DCPS: variants seen among roughly 807,000 people sequenced by gnomAD.
The protein encoded by DCPS is m7GpppX diphosphatase.
A neutral mutation model predicts 34.7 loss-of-function variants in DCPS; 27 were observed. The ratio of observed to expected loss-of-function variants is 0.78; its 90% CI spans 0.57 to 1.07. The LOEUF is 1.07. DCPS is among the 50% of genes least tolerant of loss of function. The probability of loss-of-function intolerance (pLI) is 0.00; values close to 1 mark genes in which losing one functional copy is unlikely to be tolerated. For missense variants in DCPS, 464 were observed against 436.9 expected (o/e 1.06, Z -0.55); for synonymous variants, 185 against 185.7 (o/e 1.00, Z 0.03).
chr11:126,304,508 AC>A (rs1228042458), intron 1 of DCPS, among the ~76,000 whole-genome samples: 1 of 152,166 alleles, frequency 6.6e-6, no homozygotes, highest in Non-Finnish European at 1.5e-5. Flanking sequence ...TAATGTCTCC[AC>A]TAGAAATATC....
intron 1 of DCPS, 92 bp downstream of exon 1, chr11:126,304,373 A>T: frequency 6.9e-7 from 1 of 1,440,824 alleles, no homozygotes; most frequent in Non-Finnish European, 9.6e-7. Context: ...TCTCGGCTGG[A>T]AAATACCAAT....
chr11:126,326,049 C>T (rs950595957), intron 2 of DCPS, among the ~76,000 whole-genome samples: 1 of 152,130 alleles, frequency 6.6e-6, no homozygotes, highest in Non-Finnish European at 1.5e-5. Flanking sequence ...ACCCAGGAGG[C>T]GGAGGTTGCA....
At chr11:126,326,780 A>G (rs1319540578) in intron 2 of DCPS, among the ~76,000 whole-genome samples, 1 of 152,138 alleles carries the variant, frequency 6.6e-6, no homozygotes. Flanking sequence ...AAAATTAGCC[A>G]GGCGTGGTGG....
chr11:126,335,499 C>A lies in DCPS; in HGVS notation c.523-2787C>A, dbSNP rs565133824. ...GGCTTCCCGTGGATGCAGCTCCCTG[C>A]CACTGTCCCAGAGGCCTCTCCCAGG... On this transcript the variant is annotated intron_variant, in intron 3 of 5. Coordinates refer to ENST00000263579, the MANE Select transcript of DCPS (RefSeq NM_014026.6). The surrounding 1 kb of genome is among the most constrained non-coding windows in gnomAD (Gnocchi z 4.8). Among the ~76,000 whole-genome samples the A allele has an allele frequency of 3.9e-4, 60 of 152,300 alleles. No homozygotes were observed. Among genetic ancestry groups the A allele is most frequent in the African/African-American group, 1.3e-3 (54 of 41,570 alleles).
At chr11:126,305,813 C>T (rs1241786370) in intron 1 of DCPS, among the ~76,000 whole-genome samples, 1 of 152,058 alleles carries the variant, frequency 6.6e-6, no homozygotes, top group Non-Finnish European at 1.5e-5. Flanking sequence ...TCTCTCAGCC[C>T]AGCTGTCTTC....
chr11:126,305,822 T>C (rs1318742142), intron 1 of DCPS, among the ~76,000 whole-genome samples: 1 of 152,178 alleles, frequency 6.6e-6, no homozygotes, highest in Admixed American at 6.6e-5. Context: ...CCAGCTGTCT[T>C]CAGTGTGCAG....
intron 1 of DCPS, among the ~76,000 whole-genome samples, chr11:126,305,248 G>A (rs1308253771): frequency 6.6e-6 from 1 of 151,916 alleles, no homozygotes; most frequent in Non-Finnish European, 1.5e-5. Context: ...CCAATAGCTG[G>A]GATTACAGGC....
rs1455410255 is a variant in DCPS, at chr11:126,327,588, C to T, written c.377-3817C>T. Reference sequence around the variant, plus strand: ...AGCATTGACTCCTGACCAAACTCCTCCTGAAGTTCAGCTGCAGGTCAACAT... The same window carrying T: ...AGCATTGACTCCTGACCAAACTCCTTCTGAAGTTCAGCTGCAGGTCAACAT... On this transcript the variant is annotated intron_variant, in intron 2 of 5. Transcript: ENST00000263579. This position sits in a 1 kb window ranked among gnomAD's most constrained non-coding sequence, Gnocchi z 4.1. Among the ~76,000 whole-genome samples the T allele has an allele frequency of 6.6e-6, 1 of 152,204 alleles. No homozygotes were observed. Among genetic ancestry groups the T allele is most frequent in the African/African-American group, 2.4e-5 (1 of 41,446 alleles).
intron 2 of DCPS, among the ~76,000 whole-genome samples, chr11:126,310,490 G>C (rs1400455431): frequency 6.6e-6 from 1 of 152,200 alleles, no homozygotes; most frequent in Non-Finnish European, 1.5e-5. Context: ...GGTCAGGGGT[G>C]GGGACATAGT....
Position 126,312,109 on chromosome 11 carries a change from TTAG to T in DCPS, c.376+5369_376+5371del, listed in dbSNP as rs959648312. Reference sequence around the variant, plus strand: ...CCATGCCTGGCTAATTTTTGTGTTTTTAGTAGAGATGGGGTTTCACCACATTGG... The same window carrying T: ...CCATGCCTGGCTAATTTTTGTGTTTTTAGAGATGGGGTTTCACCACATTGG... On this transcript the variant is annotated intron_variant, in intron 2 of 5. Coordinates refer to ENST00000263579, the MANE Select transcript of DCPS (RefSeq NM_014026.6). This position sits in a 1 kb window ranked among gnomAD's most constrained non-coding sequence, Gnocchi z 5.1. 7.9e-5 allele frequency among the ~76,000 whole-genome samples: 12 copies of T among 151,690 alleles called. No homozygotes were observed. Among genetic ancestry groups the T allele is most frequent in the Non-Finnish European group, 1.6e-4 (11 of 67,952 alleles).
chr11:126,339,331 C>A (rs926966959), intron 4 of DCPS, among the ~76,000 whole-genome samples: 4 of 152,162 alleles, frequency 2.6e-5, no homozygotes, highest in African/African-American at 9.7e-5. Context: ...GTTTCTGCAC[C>A]CGTCAAAGGC....
At position 126,322,882 on chromosome 11, in the gene DCPS, C is replaced by T. The variant is rs1005177310; in HGVS notation, c.377-8523C>T. Among the ~76,000 whole-genome samples, 14 of 152,128 alleles carry T rather than the reference C, an allele frequency of 9.2e-5. No individual in the cohort carries two copies. Among genetic ancestry groups the T allele is most frequent in the African/African-American group, 3.4e-4 (14 of 41,422 alleles). The stretch of plus-strand genomic sequence containing the variant: ...CTCACTTTGTTGCCAGGTTGGAGTC[C>T]AGTGGTACAGTCATAGCTCATGGCA... On this transcript the variant is annotated intron_variant, in intron 2 of 5. Coordinates refer to ENST00000263579, the MANE Select transcript of DCPS (RefSeq NM_014026.6). The surrounding 1 kb of genome is among the most constrained non-coding windows in gnomAD (Gnocchi z 4.2).
In DCPS at chr11:126,327,933, C is replaced by T. The variant is rs1046428676; in HGVS notation, c.377-3472C>T. Among the ~76,000 whole-genome samples, 1 of 152,206 alleles carries T rather than the reference C, an allele frequency of 6.6e-6. No homozygotes were observed. Among genetic ancestry groups the T allele is most frequent in the Non-Finnish European group, 1.5e-5 (1 of 68,046 alleles). On this transcript the variant is annotated intron_variant, in intron 2 of 5. Transcript: ENST00000263579. This position sits in a 1 kb window ranked among gnomAD's most constrained non-coding sequence, Gnocchi z 4.1. ...GAGGGAGTGAGAAGTGAAGAGGAAG[C>T]AAGCTGGTGGAGGAGACAGAGGACC...
In DCPS at chr11:126,345,080, G is replaced by A. The variant is rs185660152; in HGVS notation, c.748-267G>A. On this transcript the variant is annotated intron_variant, in intron 5 of 5. Coordinates refer to ENST00000263579, the MANE Select transcript of DCPS (RefSeq NM_014026.6). This position sits in a 1 kb window ranked among gnomAD's most constrained non-coding sequence, Gnocchi z 7.4. ...TTGAGGAAGCCAGTGTTTTTTCCACGTTGGGGTGGGGAATGCTGATTGAGG... is the reference window on the plus strand; with the variant it reads ...TTGAGGAAGCCAGTGTTTTTTCCACATTGGGGTGGGGAATGCTGATTGAGG... Among the ~76,000 whole-genome samples, 4 of 152,322 alleles carry A rather than the reference G, an allele frequency of 2.6e-5. No individual in the cohort carries two copies. The highest frequency in any genetic ancestry group is 3.9e-4 in the East Asian group (2 of 5,192).
chr11:126,349,089 G>A lies in DCPS; in HGVS notation c.*3476G>A, dbSNP rs1951964961. Reference sequence around the variant, plus strand: ...GCCTCCTGGATCTCACGCAGGGGATGGAGAGTAAGGACCAGCCCCTCTACC... The same window carrying A: ...GCCTCCTGGATCTCACGCAGGGGATAGAGAGTAAGGACCAGCCCCTCTACC... On this transcript the variant is annotated 3_prime_UTR_variant, in exon 6 of 6. Transcript: ENST00000263579. This position sits in a 1 kb window ranked among gnomAD's most constrained non-coding sequence, Gnocchi z 5.4. Among the ~76,000 whole-genome samples the A allele has an allele frequency of 6.6e-6, 1 of 152,200 alleles. No individual in the cohort carries two copies. The highest frequency in any genetic ancestry group is 1.5e-5 in the Non-Finnish European group (1 of 68,050).
chr11:126,305,019 A>G (rs928430073), intron 1 of DCPS, among the ~76,000 whole-genome samples: 18 of 152,236 alleles, frequency 1.2e-4, no homozygotes, highest in African/African-American at 3.9e-4. Context: ...CCCTAGAACT[A>G]CTAGCAGGAA....
rs1412557259 is a variant in DCPS, at chr11:126,331,521, C to G, written c.493C>G (p.His165Asp). 1 of 1,614,156 alleles carries G rather than the reference C, an allele frequency of 6.2e-7. No homozygotes were observed. Among genetic ancestry groups the G allele is most frequent in the African/African-American group, 1.3e-5 (1 of 75,044 alleles). Reference protein sequence around the residue: ...GDDYRNITLPHLESQSLSIQW... With the variant: ...GDDYRNITLPDLESQSLSIQW... The stretch of plus-strand genomic sequence containing the variant: ...TGACTACAGGAATATTACTTTACCC[C>G]ACCTGGAGTCCCAGAGCCTCAGCAT... The change falls in exon 3 of 6, where the codon CAC becomes GAC. Residue 165 changes from histidine (H) to aspartate (D), a missense_variant. Physicochemically the swap from His to Asp is moderately conservative, Grantham distance 81. Transcript: ENST00000263579. This position sits in a 1 kb window ranked among gnomAD's most constrained non-coding sequence, Gnocchi z 7.2.
Position 126,331,659 on chromosome 11 carries a change from G to C in DCPS, c.522+109G>C. The C allele has an allele frequency of 7.2e-7, 1 of 1,380,848 alleles. No individual in the cohort carries two copies. The highest frequency in any genetic ancestry group is 2.2e-5 in the Admixed American group (1 of 44,580). The allele number at this position is 1,380,848 out of a possible 1,614,324, so 85.5% of individuals were successfully genotyped here. On this transcript the variant is annotated intron_variant, in intron 3 of 5. Coordinates refer to ENST00000263579, the MANE Select transcript of DCPS (RefSeq NM_014026.6). This position sits in a 1 kb window ranked among gnomAD's most constrained non-coding sequence, Gnocchi z 7.2. ...GGGGCCAGGCGCTGTGCTGGGCGAG[G>C]GGATGGGGGTACAGTAGAGAGCATG... is the stretch of plus-strand genomic sequence containing the variant.
At chr11:126,304,520 T>TACTGGGAGAGTGCATTGCAGATTAA (rs1371914955) in intron 1 of DCPS, among the ~76,000 whole-genome samples, 10 of 152,154 alleles carry the variant, frequency 6.6e-5, no homozygotes, top group African/African-American at 2.4e-4. Flanking sequence ...TAGAAATATC[T>TACTGGGAGAGTGCATTGCAGATTAA]ACTGGGAGAG....
Sources: gnomAD v4.1 joint callset for allele counts (sites outside exome capture counted in the v4.1 genomes callset) on GRCh38, gnomAD v4.1.1 for gene constraint, Gnocchi (gnomAD v3.1) non-coding constraint, MANE v1.5 for transcripts, NCBI Gene and HGNC (gene_info 2026-07-23, HGNC 2026-07-21) for gene names.